Variants in NTNG2 observed in about 807,000 individuals in gnomAD.
NTNG2 encodes netrin G2.
Under a neutral mutation model 47.6 loss-of-function variants are expected in NTNG2, and 15 were observed. That is an observed-to-expected ratio of 0.32 (90% CI 0.21 to 0.49). NTNG2 has a LOEUF of 0.49. Among genes scored for constraint, NTNG2 ranks in the 20% least tolerant of loss-of-function variants. NTNG2 has a pLI of 0.99. For synonymous variants in NTNG2, 307 were observed against 324.6 expected (o/e 0.95, Z 0.58); for missense variants, 578 against 764.6 (o/e 0.76, Z 2.88).
At chr9:132,199,114 G>A (rs751830413) in intron 3 of NTNG2, among the ~76,000 whole-genome samples, 4 of 152,122 alleles carry the variant, frequency 2.6e-5, no homozygotes, top group Non-Finnish European at 4.4e-5. Context: ...GCTTTTCCAC[G>A]GAAGAAGGTG....
chr9:132,170,275 A>C (rs1564380546), intron 2 of NTNG2, among the ~76,000 whole-genome samples: 1 of 152,350 alleles, frequency 6.6e-6, no homozygotes, highest in East Asian at 1.9e-4. Context: ...AGGAGGCTGA[A>C]AGACAAGATA....
chr9:132,241,688 G>C (rs1358872592), intron 7 of NTNG2, among the ~76,000 whole-genome samples, 188 bp from the exon 8 acceptor site: 1 of 152,186 alleles, frequency 6.6e-6, no homozygotes, highest in African/African-American at 2.4e-5. Flanking sequence ...AGGCAGCCGG[G>C]GGCCAGATCT....
chr9:132,187,328 C>T (rs1296724713), intron 2 of NTNG2, among the ~76,000 whole-genome samples: 2 of 152,224 alleles, frequency 1.3e-5, no homozygotes, highest in African/African-American at 4.8e-5. Flanking sequence ...AGAAAAGCCG[C>T]CTTGGCCAGC....
rs565282868 is a variant in NTNG2, at chr9:132,236,215, C to T, written c.1055-2889C>T. Among the ~76,000 whole-genome samples, 45 of 152,282 alleles carry T rather than the reference C, an allele frequency of 3.0e-4. No individual in the cohort carries two copies. Among genetic ancestry groups the T allele is most frequent in the Admixed American group, 2.4e-3 (37 of 15,298 alleles). Reference sequence around the variant, plus strand: ...AGGGAGAAGGCAGCACATTCCAGGCCGCAGGGCCAGCCGGGGCAAAGGCTT... The same window carrying T: ...AGGGAGAAGGCAGCACATTCCAGGCTGCAGGGCCAGCCGGGGCAAAGGCTT... On this transcript the variant is annotated intron_variant, in intron 5 of 7. Coordinates refer to ENST00000393229, the MANE Select transcript of NTNG2 (RefSeq NM_032536.4). The surrounding 1 kb of genome is among the most constrained non-coding windows in gnomAD (Gnocchi z 4.3).
At position 132,173,681 on chromosome 9, in the gene NTNG2, T is replaced by C. The variant is rs112170038; in HGVS notation, c.213+6637T>C. On this transcript the variant is annotated intron_variant, in intron 2 of 7. Transcript: ENST00000393229. ...ACGGACAGACAGGCAGGCCGCACCATGCTGCGGATGAGACGGATGGATGGA... is the reference window on the plus strand; with the variant it reads ...ACGGACAGACAGGCAGGCCGCACCACGCTGCGGATGAGACGGATGGATGGA... 9.2e-5 allele frequency among the ~76,000 whole-genome samples: 14 copies of C among 151,868 alleles called. 1 individual carries two copies. Among genetic ancestry groups the C allele is most frequent in the African/African-American group, 3.1e-4 (13 of 41,364 alleles).
intron 2 of NTNG2, among the ~76,000 whole-genome samples, chr9:132,184,373 G>A (rs577179303): frequency 5.3e-4 from 80 of 152,316 alleles, no homozygotes; most frequent in African/African-American, 1.7e-3. Flanking sequence ...GTCAGGCTCC[G>A]CCCCTGCCTT....
rs1842035912 is a variant in NTNG2 at position 132,242,212 on chromosome 9, G to C, written c.*101G>C. ...CCGGGCGGTGAGAAGGGTGCGGCCC[G>C]AGGTGCTCCCAGGTGCTACTCAGCA... On this transcript the variant is annotated 3_prime_UTR_variant, in exon 8 of 8. Coordinates refer to ENST00000393229, the MANE Select transcript of NTNG2 (RefSeq NM_032536.4). This position sits in a 1 kb window ranked among gnomAD's most constrained non-coding sequence, Gnocchi z 5.9. 1 of 441,648 alleles carries C rather than the reference G, an allele frequency of 2.3e-6. No individual in the cohort carries two copies. Among genetic ancestry groups the C allele is most frequent in the Admixed American group, 5.9e-5 (1 of 16,932 alleles). The allele number at this position is 441,648 out of a possible 1,614,324, so 27.4% of individuals were successfully genotyped here.
In NTNG2 at chr9:132,166,795, G is replaced by A. The variant is rs887830929; in HGVS notation, c.-37G>A. 1.2e-6 allele frequency: 2 copies of A among 1,604,318 alleles called. No individual in the cohort carries two copies. The highest frequency in any genetic ancestry group is 1.7e-6 in the Non-Finnish European group (2 of 1,173,416). On this transcript the variant is annotated 5_prime_UTR_variant, in exon 2 of 8. Transcript: ENST00000393229. ...CCTGACCCCGTCGCTGCCTCTCCAGGGCTTCTCTGGGCCGCGCCTCTGCAG... is the reference window on the plus strand; with the variant it reads ...CCTGACCCCGTCGCTGCCTCTCCAGAGCTTCTCTGGGCCGCGCCTCTGCAG...
intron 3 of NTNG2, among the ~76,000 whole-genome samples, chr9:132,204,222 C>A (rs992785798): frequency 2.6e-5 from 4 of 152,186 alleles, no homozygotes; most frequent in African/African-American, 9.7e-5. Flanking sequence ...TCCAGACTGG[C>A]CAAGCCCGGC....
chr9:132,198,456 C>T lies in NTNG2; in HGVS notation c.704C>T (p.Thr235Met), dbSNP rs763255655. Reference protein sequence around the residue: ...PDLRNMDNLYTRLESAKGLKE... With the variant: ...PDLRNMDNLYMRLESAKGLKE... ...CTGCGCAACATGGACAACCTCTACA[C>T]GCGGCTGGAGAGCGCCAAGGGCCTC... Residue 235 changes from threonine (T) to methionine (M), a missense_variant, in exon 3 of 8, where the codon ACG becomes ATG. By Grantham distance (81) the Thr-to-Met change is moderately conservative. Coordinates refer to ENST00000393229, the MANE Select transcript of NTNG2 (RefSeq NM_032536.4). 1.6e-5 allele frequency: 26 copies of T among 1,610,438 alleles called. No individual in the cohort carries two copies. The highest frequency in any genetic ancestry group is 2.2e-5 in the Non-Finnish European group (26 of 1,178,002).
At chr9:132,170,157 G>A (rs573455978) in intron 2 of NTNG2, among the ~76,000 whole-genome samples, 3 of 152,300 alleles carry the variant, frequency 2.0e-5, no homozygotes, top group African/African-American at 4.8e-5. Context: ...AGGGGCGGAC[G>A]GCCTTTTCAG....
intron 2 of NTNG2, among the ~76,000 whole-genome samples, chr9:132,179,154 C>T (rs1836731648): frequency 6.6e-6 from 1 of 151,860 alleles, no homozygotes; most frequent in South Asian, 2.1e-4. Context: ...CAGGGGCCCT[C>T]CCCAACCAGG....
rs185700210 is a variant in NTNG2, at chr9:132,206,591, C to T, written c.857+7982C>T. Among the ~76,000 whole-genome samples the T allele has an allele frequency of 6.4e-3, 971 of 152,318 alleles. 17 individuals carry two copies. The East Asian group carries it at 0.069, about 11-fold the overall frequency. ...CTGAGGCAGGAGAATCACTTGAACCCAGAAGGCGGAGGTTGCAGTGAGCCG... is the reference window on the plus strand; with the variant it reads ...CTGAGGCAGGAGAATCACTTGAACCTAGAAGGCGGAGGTTGCAGTGAGCCG... On this transcript the variant is annotated intron_variant, in intron 3 of 7. Transcript: ENST00000393229.
At position 132,201,341 on chromosome 9, in the gene NTNG2, G is replaced by A. The variant is rs1229695869; in HGVS notation, c.857+2732G>A. 4.6e-5 allele frequency among the ~76,000 whole-genome samples: 7 copies of A among 152,372 alleles called. No homozygotes were observed. The East Asian group carries it at 1.2e-3, about 25-fold the overall frequency. On this transcript the variant is annotated intron_variant, in intron 3 of 7. Transcript: ENST00000393229. ...TCTGCGGGCGGCGGGGAGGAGCCGA[G>A]GTGGTGGCGAGAGTGTACAATCAAT...
intron 3 of NTNG2, among the ~76,000 whole-genome samples, chr9:132,206,759 C>CT (rs1161465111): frequency 1.3e-5 from 2 of 152,266 alleles, no homozygotes; most frequent in African/African-American, 2.4e-5. Context: ...GTTCACACAC[C>CT]TTCAACTGCA....
chr9:132,232,408 C>G (rs1841302069), intron 5 of NTNG2: 1 of 152,450 alleles, frequency 6.6e-6, no homozygotes, highest in African/African-American at 2.4e-5. Context: ...CAAGGCCAGG[C>G]CAGGGCCAGA....
chr9:132,171,487 G>A lies in NTNG2; in HGVS notation c.213+4443G>A, dbSNP rs565478100. 2.6e-5 allele frequency among the ~76,000 whole-genome samples: 4 copies of A among 152,340 alleles called. No individual in the cohort carries two copies. In the South Asian group the frequency reaches 8.3e-4, roughly 32 times the overall value. On this transcript the variant is annotated intron_variant, in intron 2 of 7. Coordinates refer to ENST00000393229, the MANE Select transcript of NTNG2 (RefSeq NM_032536.4). Reference sequence around the variant, plus strand: ...GGGTGAACATTCAAATTTCAGCCATGTTGGAGTCTCCAGCATACAGAGGCA... The same window carrying A: ...GGGTGAACATTCAAATTTCAGCCATATTGGAGTCTCCAGCATACAGAGGCA...
chr9:132,164,947 C>T (rs1388216802), intron 1 of NTNG2, among the ~76,000 whole-genome samples: 1 of 152,224 alleles, frequency 6.6e-6, no homozygotes. Context: ...GAGCGTTTTT[C>T]TGTCTGGGTG....
At chr9:132,241,090 C>A in intron 7 of NTNG2, 46 bp downstream of exon 7, 1 of 1,501,052 alleles carries the variant, frequency 6.7e-7, no homozygotes, top group African/African-American at 1.4e-5. Flanking sequence ...GGAAAGGGGA[C>A]GGGGCAGGAC....
Sources: allele counts gnomAD v4.1 joint callset (sites outside exome capture counted in the v4.1 genomes callset), GRCh38; gene constraint gnomAD v4.1.1; non-coding constraint Gnocchi (gnomAD v3.1); transcripts MANE v1.5; gene names NCBI Gene and HGNC (gene_info 2026-07-23, HGNC 2026-07-21).